Variants in B3GALT1 observed in about 807,000 individuals in gnomAD.
B3GALT1 encodes beta-1,3-galactosyltransferase 1.
B3GALT1 carries 10 observed loss-of-function variants against 23.2 expected under a neutral mutation model. That is an observed-to-expected ratio of 0.43 (90% CI 0.27 to 0.73). The LOEUF is 0.73. Among genes scored for constraint, B3GALT1 ranks in the 30% least tolerant of loss-of-function variants. The probability of loss-of-function intolerance (pLI) is 0.21; values close to 1 mark genes in which losing one functional copy is unlikely to be tolerated. For synonymous variants in B3GALT1, 156 were observed against 141.5 expected, an observed-to-expected ratio of 1.10 and a Z score of -0.73; for missense variants, 299 against 405.4, an observed-to-expected ratio of 0.74 and a Z score of 2.25.
chr2:167,594,083 A>C (rs1268060199), intron 2 of B3GALT1, among the ~76,000 whole-genome samples: 1 of 152,242 alleles, frequency 6.6e-6, no homozygotes, highest in East Asian at 1.9e-4. Flanking sequence ...TACAAAAAAT[A>C]GCCACTTAAT....
At chr2:167,782,659 A>G (rs1010050269) in intron 3 of B3GALT1, among the ~76,000 whole-genome samples, 5 of 152,198 alleles carry the variant, frequency 3.3e-5, no homozygotes, top group African/African-American at 1.2e-4. Context: ...ATAGGTAATT[A>G]TACACCCTTC....
At chr2:167,304,905 C>T (rs1304417074) in intron 1 of B3GALT1, among the ~76,000 whole-genome samples, 3 of 152,138 alleles carry the variant, frequency 2.0e-5, no homozygotes, top group Admixed American at 2.0e-4. Flanking sequence ...GATCTAAGAA[C>T]ATCAGTGTCC....
intron 4 of B3GALT1, among the ~76,000 whole-genome samples, chr2:167,853,183 C>T (rs1394681961): frequency 6.6e-6 from 1 of 152,130 alleles, no homozygotes; most frequent in Non-Finnish European, 1.5e-5. Flanking sequence ...AACCTCCCTT[C>T]GCATTCTCAG....
chr2:167,390,076 A>G (rs147335292), intron 1 of B3GALT1, among the ~76,000 whole-genome samples: 505 of 152,264 alleles, frequency 3.3e-3, no homozygotes, highest in African/African-American at 0.012. Flanking sequence ...AGGAAAGAGG[A>G]GAAAATCTCA....
At chr2:167,556,690 T>A (rs1275581464) in intron 2 of B3GALT1, among the ~76,000 whole-genome samples, 1 of 152,194 alleles carries the variant, frequency 6.6e-6, no homozygotes, top group Non-Finnish European at 1.5e-5. Context: ...AGTAGACTAT[T>A]CATCCCTCAT....
chr2:167,562,176 C>T (rs1222743336), intron 2 of B3GALT1, among the ~76,000 whole-genome samples: 1 of 152,110 alleles, frequency 6.6e-6, no homozygotes, highest in African/African-American at 2.4e-5. Flanking sequence ...AAATGTAATC[C>T]AACATATAAA....
chr2:167,556,506 C>G (rs771960644), intron 2 of B3GALT1, among the ~76,000 whole-genome samples: 1 of 151,976 alleles, frequency 6.6e-6, no homozygotes, highest in Non-Finnish European at 1.5e-5. Context: ...CATGAGGAAG[C>G]CTTTCTCATG....
At chr2:167,700,380 C>A (rs779382015) in intron 3 of B3GALT1, among the ~76,000 whole-genome samples, 1 of 152,128 alleles carries the variant, frequency 6.6e-6, no homozygotes, top group Non-Finnish European at 1.5e-5. Flanking sequence ...TATTTTATTA[C>A]CACTATAGAA....
intron 1 of B3GALT1, among the ~76,000 whole-genome samples, chr2:167,374,591 G>A (rs1288985631): frequency 6.6e-6 from 1 of 152,022 alleles, no homozygotes; most frequent in African/African-American, 2.4e-5. Flanking sequence ...GTTTTGATTT[G>A]CATTTCTCTG....
chr2:167,849,832 G>A (rs550346986), intron 4 of B3GALT1, among the ~76,000 whole-genome samples: 9 of 150,758 alleles, frequency 6.0e-5, no homozygotes, highest in African/African-American at 2.2e-4. Flanking sequence ...GGAGCTTGCA[G>A]TGAGCCGAGA....
chr2:167,836,763 A>AG (rs1574291404), intron 4 of B3GALT1, among the ~76,000 whole-genome samples: 1 of 152,162 alleles, frequency 6.6e-6, no homozygotes, highest in African/African-American at 2.4e-5. Flanking sequence ...AAAAATTTTA[A>AG]GGCAGCCAGA....
At chr2:167,771,970 C>G (rs2105309410) in intron 3 of B3GALT1, among the ~76,000 whole-genome samples, 1 of 152,268 alleles carries the variant, frequency 6.6e-6, no homozygotes, top group East Asian at 1.9e-4. Flanking sequence ...TGTTTGCTTA[C>G]CAGATCATTA....
chr2:167,623,521 A>G (rs1685295615), intron 2 of B3GALT1, among the ~76,000 whole-genome samples: 1 of 152,078 alleles, frequency 6.6e-6, no homozygotes, highest in South Asian at 2.1e-4. Flanking sequence ...CAAACACCGC[A>G]TATTCTCACC....
chr2:167,736,752 G>GA (rs997282324), intron 3 of B3GALT1, among the ~76,000 whole-genome samples: 1 of 152,186 alleles, frequency 6.6e-6, no homozygotes, highest in Admixed American at 6.5e-5. Context: ...AAAAAAGAAA[G>GA]AAAAATATGT....
At chr2:167,322,958 A>C (rs1387084845) in intron 1 of B3GALT1, among the ~76,000 whole-genome samples, 1 of 152,098 alleles carries the variant, frequency 6.6e-6, no homozygotes. Flanking sequence ...AAACAGAGCC[A>C]GTCAGCTTAG....
At chr2:167,409,385 G>A (rs867631503) in intron 1 of B3GALT1, among the ~76,000 whole-genome samples, 22 of 152,044 alleles carry the variant, frequency 1.4e-4, no homozygotes, top group African/African-American at 4.3e-4. Flanking sequence ...TTTCAGGTAC[G>A]CCAATTAATC....
intron 1 of B3GALT1, among the ~76,000 whole-genome samples, chr2:167,314,288 T>C (rs541526009): frequency 5.9e-5 from 9 of 152,314 alleles, no homozygotes; most frequent in Admixed American, 2.0e-4. Context: ...AAGGATGTTT[T>C]GCCCTTTAAT....
intron 4 of B3GALT1, among the ~76,000 whole-genome samples, chr2:167,844,875 G>T (rs1689723698): frequency 6.6e-6 from 1 of 152,170 alleles, no homozygotes; most frequent in Admixed American, 6.5e-5. Context: ...CTTGCCCTCT[G>T]CCTGGAAACA....
intron 3 of B3GALT1, among the ~76,000 whole-genome samples, chr2:167,755,816 C>T (rs754320306): frequency 2.0e-5 from 3 of 151,370 alleles, no homozygotes; most frequent in Non-Finnish European, 4.4e-5. Flanking sequence ...AAAATAACAA[C>T]ACAAATAAAT....
Sources: gnomAD v4.1 joint callset for allele counts (sites outside exome capture counted in the v4.1 genomes callset) on GRCh38, gnomAD v4.1.1 for gene constraint, MANE v1.5 for transcripts, NCBI Gene and HGNC (gene_info 2026-07-23, HGNC 2026-07-21) for gene names.